Variants in NUDC observed in about 807,000 individuals in gnomAD.
NUDC encodes the protein nuclear migration protein nudC.
Under a neutral mutation model 45.0 loss-of-function variants are expected in NUDC, and 14 were observed. The observed-to-expected ratio is 0.31, with a 90% CI of 0.21 to 0.49. NUDC has a LOEUF of 0.49. Among genes scored for constraint, NUDC ranks in the 20% least tolerant of loss-of-function variants. The pLI is 0.99. For synonymous variants in NUDC, 153 were observed against 156.7 expected (o/e 0.98, Z 0.17); for missense variants, 323 against 426.2 (o/e 0.76, Z 2.13).
At chr1:26,929,174 GTTGATCCT>G (rs1157827944) in intron 2 of NUDC, among the ~76,000 whole-genome samples, 5 of 152,168 alleles carry the variant, frequency 3.3e-5, no homozygotes, top group African/African-American at 1.2e-4. Context: ...GACAAATACA[GTTGATCCT>G]TTGTATCCGT....
intron 3 of NUDC, chr1:26,913,906 T>C: frequency 6.7e-7 from 1 of 1,484,212 alleles, no homozygotes; most frequent in African/African-American, 1.4e-5. Context: ...TGCAGCTCCC[T>C]GGCATGGGCA....
intron 2 of NUDC, among the ~76,000 whole-genome samples, chr1:26,932,050 T>G (rs1175619764): frequency 6.6e-6 from 1 of 151,456 alleles, no homozygotes; most frequent in Non-Finnish European, 1.5e-5. Flanking sequence ...AGTCTCACTC[T>G]GTCACCCACT....
chr1:26,901,396 T>C (rs2081977947), intron 1 of NUDC, among the ~76,000 whole-genome samples: 1 of 139,598 alleles, frequency 7.2e-6, no homozygotes, highest in Non-Finnish European at 1.6e-5. Context: ...CGCCTTTTTG[T>C]CTTTTTTTTT....
chr1:26,900,366 G>A (rs767248035), exon 1 of NUDC: 3 of 1,614,026 alleles, frequency 1.9e-6, no homozygotes, highest in Non-Finnish European at 2.5e-6. Context: ...TAAATGGGCC[G>A]AGCGCAACAC....
At chr1:26,916,392 A>G (rs1393884528) in intron 3 of NUDC, among the ~76,000 whole-genome samples, 1 of 152,000 alleles carries the variant, frequency 6.6e-6, no homozygotes, top group Non-Finnish European at 1.5e-5. Context: ...TCTGTCTAAA[A>G]AAAAACGAAA....
intron 3 of NUDC, chr1:26,911,895 C>T: frequency 6.2e-7 from 1 of 1,614,190 alleles, no homozygotes; most frequent in East Asian, 2.2e-5. Flanking sequence ...TCAACATCTC[C>T]AATGATAGGG....
Position 26,943,035 on chromosome 1 carries a change from C to T in NUDC, c.711C>T (p.Asp237=), listed in dbSNP as rs142020224. The change falls in exon 6 of 9, where the codon GAC becomes GAT. Residue 237 remains aspartate (D), a synonymous_variant. Transcript: ENST00000321265. ...KVEESSWLIE[D]GKVVTVHLEK... ...AGGAGAGCTCGTGGCTCATTGAGGA[C>T]GGCAAGGTGGTGACTGTGCATCTGG... The T allele has an allele frequency of 2.9e-5, 46 of 1,613,918 alleles. 1 individual carries two copies. The highest frequency in any genetic ancestry group is 1.6e-4 in the Middle Eastern group (1 of 6,084).
At chr1:26,905,157 A>ATTTTT (rs71007901) in intron 2 of NUDC, among the ~76,000 whole-genome samples, 2 of 84,298 alleles carry the variant, frequency 2.4e-5, no homozygotes, top group African/African-American at 4.1e-5. Context: ...TATTATTATT[A>ATTTTT]TTTTTTTTTT....
Position 26,942,550 on chromosome 1 carries a change from T to C in NUDC, c.430-110T>C. 2.0e-6 allele frequency: 3 copies of C among 1,528,604 alleles called. No individual in the cohort carries two copies. In the Admixed American group the frequency reaches 5.0e-5, roughly 26 times the overall value. 94.7% of individuals were successfully genotyped at this position (1,528,604 alleles called of 1,614,324 possible). On this transcript the variant is annotated intron_variant, in intron 4 of 8. Transcript: ENST00000321265. ...GTGGAGTGGGCAGGGACCAGGTCTG[T>C]TTTCTTTTGTGGCTGTATGCCCAGT...
At chr1:26,917,188 G>A (rs1204875714), upstream of NUDC, among the ~76,000 whole-genome samples, 1 of 152,086 alleles carries the variant, frequency 6.6e-6, no homozygotes. Flanking sequence ...AACCTGGGAG[G>A]CAGAGGTTGC....
At chr1:26,927,374 C>T (rs1039144215) in intron 2 of NUDC, among the ~76,000 whole-genome samples, 1 of 146,258 alleles carries the variant, frequency 6.8e-6, no homozygotes, top group East Asian at 2.0e-4. Flanking sequence ...TCCCAAAGTG[C>T]TGGGACTACC....
intron 2 of NUDC, among the ~76,000 whole-genome samples, chr1:26,909,325 C>T (rs2124060617): frequency 6.6e-6 from 1 of 152,150 alleles, no homozygotes; most frequent in East Asian, 1.9e-4. Context: ...ATTACATTGC[C>T]CAGGCTGATC....
At chr1:26,902,750 A>G (rs2081985921) in intron 2 of NUDC, among the ~76,000 whole-genome samples, 1 of 152,022 alleles carries the variant, frequency 6.6e-6, no homozygotes. Context: ...TGTCTCAAAA[A>G]AAAAAAAAAT....
chr1:26,921,768 TG>T lies in NUDC; in HGVS notation c.-78del. The T allele has an allele frequency of 6.9e-7, 1 of 1,452,612 alleles. No homozygotes were observed. Among genetic ancestry groups the T allele is most frequent in the South Asian group, 1.2e-5 (1 of 82,006 alleles). The allele number at this position is 1,452,612 out of a possible 1,614,324, so 90.0% of individuals were successfully genotyped here. A position where few individuals can be genotyped will look rare whatever the true frequency, so the allele number is the denominator to read the frequency against. On this transcript the variant is annotated 5_prime_UTR_variant, in exon 1 of 9. Transcript: ENST00000321265. The stretch of plus-strand genomic sequence containing the variant: ...GCGGAAGGCGGACGACTAGAGTCGT[TG>T]GGCCCGGCGCGACCCGCAGGAGCGT...
chr1:26,917,583 A>T (rs1397315431), upstream of NUDC, among the ~76,000 whole-genome samples: 2 of 151,548 alleles, frequency 1.3e-5, no homozygotes, highest in Non-Finnish European at 2.9e-5. Flanking sequence ...ATAATAAATA[A>T]AAATAAATAA....
At chr1:26,937,988 T>A (rs2082248280) in intron 2 of NUDC, among the ~76,000 whole-genome samples, 1 of 152,220 alleles carries the variant, frequency 6.6e-6, no homozygotes, top group Admixed American at 6.5e-5. Context: ...ATAAAATTCT[T>A]CTGCCTTCTG....
At chr1:26,931,373 TG>T (rs1314984259) in intron 2 of NUDC, among the ~76,000 whole-genome samples, 2 of 130,984 alleles carry the variant, frequency 1.5e-5, no homozygotes, top group East Asian at 5.1e-4. Flanking sequence ...CCACTGCGCC[TG>T]GCCTTTTTTT....
intron 2 of NUDC, among the ~76,000 whole-genome samples, chr1:26,930,300 A>G (rs2082169941): frequency 6.6e-6 from 1 of 152,080 alleles, no homozygotes; most frequent in Non-Finnish European, 1.5e-5. Flanking sequence ...CTCCTGAGTA[A>G]CTGGGAGTAT....
intron 2 of NUDC, among the ~76,000 whole-genome samples, chr1:26,907,685 G>A (rs1370327581): frequency 6.6e-6 from 1 of 152,194 alleles, no homozygotes; most frequent in Non-Finnish European, 1.5e-5. Flanking sequence ...TGGTACTCTA[G>A]GCTGACCCAG....
Sources: gnomAD v4.1 joint callset for allele counts (sites outside exome capture counted in the v4.1 genomes callset) on GRCh38, gnomAD v4.1.1 for gene constraint, MANE v1.5 for transcripts, NCBI Gene and HGNC (gene_info 2026-07-23, HGNC 2026-07-21) for gene names.